The following ARHGAP35 variants were observed in gnomAD, a reference collection of about 807,000 sequenced individuals.
ARHGAP35 encodes the protein Rho GTPase activating protein 35.
In ARHGAP35, 15 loss-of-function variants were observed where a neutral mutation model predicts 111.1. The ratio of observed to expected loss-of-function variants is 0.13; its 90% CI spans 0.09 to 0.21. The LOEUF (loss-of-function observed/expected upper bound fraction) is 0.21, where lower values mean the gene tolerates loss of function less well. Among genes scored for constraint, ARHGAP35 ranks in the 10% least tolerant of loss-of-function variants. The pLI is 1.00. For synonymous variants in ARHGAP35, 643 were observed against 710.3 expected, an observed-to-expected ratio of 0.91 and a Z score of 1.51; for missense variants, 1,262 against 1,873.0, an observed-to-expected ratio of 0.67 and a Z score of 6.02.
At chr19:46,903,874 A>G (rs2056092850) in intron 1 of ARHGAP35, among the ~76,000 whole-genome samples, 1 of 151,782 alleles carries the variant, frequency 6.6e-6, no homozygotes. Flanking sequence ...CCCCAACAGG[A>G]TATGTTACTT....
chr19:46,926,174 T>G lies in ARHGAP35; in HGVS notation c.3681+3818T>G, dbSNP rs549008959. Among the ~76,000 whole-genome samples the G allele has an allele frequency of 6.6e-6, 1 of 152,336 alleles. No homozygotes were observed. Among genetic ancestry groups the G allele is most frequent in the Admixed American group, 6.5e-5 (1 of 15,298 alleles). ...AGTGCCCTTGGCTGATTTGCTAGAT[T>G]AGGTCTTTACTATAAAACTGGAGTC... On this transcript the variant is annotated intron_variant, in intron 2 of 6. Coordinates refer to ENST00000672722, the MANE Select transcript of ARHGAP35 (RefSeq NM_004491.5). This position sits in a 1 kb window ranked among gnomAD's most constrained non-coding sequence, Gnocchi z 4.1.
At chr19:46,974,537 A>G (rs2056569308) in intron 3 of ARHGAP35, among the ~76,000 whole-genome samples, 1 of 152,168 alleles carries the variant, frequency 6.6e-6, no homozygotes, top group African/African-American at 2.4e-5. Context: ...GATGTATGCA[A>G]GGGCGGCGAT....
intron 2 of ARHGAP35, among the ~76,000 whole-genome samples, chr19:46,930,785 T>C (rs1470551675): frequency 3.3e-5 from 5 of 152,028 alleles, no homozygotes; most frequent in African/African-American, 1.2e-4. Flanking sequence ...GCTCATGTGG[T>C]ACCTAGATGA....
chr19:46,876,537 T>G (rs2055922935), intron 1 of ARHGAP35, among the ~76,000 whole-genome samples: 1 of 151,484 alleles, frequency 6.6e-6, no homozygotes, highest in Non-Finnish European at 1.5e-5. Context: ...CACGCCCGGC[T>G]AATTTTTGTA....
intron 3 of ARHGAP35, among the ~76,000 whole-genome samples, chr19:46,940,500 C>CCT (rs2056340457): frequency 6.6e-6 from 1 of 152,100 alleles, no homozygotes; most frequent in African/African-American, 2.4e-5. Context: ...TGCACTCCAG[C>CCT]CTGGCGACAG....
rs370823382 is a variant in ARHGAP35 at position 46,891,557 on chromosome 19, G to A, written c.-188-26931G>A. ...TTCTCCTTCCTCAGCCTCCCAAGTA[G>A]CTGGGACTACAGGCTAGCACCACCA... On this transcript the variant is annotated intron_variant, in intron 1 of 6. Coordinates refer to ENST00000672722, the MANE Select transcript of ARHGAP35 (RefSeq NM_004491.5). 1.9e-4 allele frequency among the ~76,000 whole-genome samples: 29 copies of A among 151,948 alleles called. No homozygotes were observed. In the South Asian group the frequency reaches 5.8e-3, roughly 31 times the overall value.
intron 3 of ARHGAP35, among the ~76,000 whole-genome samples, chr19:46,984,417 T>G (rs1177468668): frequency 6.6e-6 from 1 of 152,234 alleles, no homozygotes; most frequent in Non-Finnish European, 1.5e-5. Context: ...CTTTTCCTGC[T>G]GTGGTCTCAG....
At position 47,001,232 on chromosome 19, in the gene ARHGAP35, G is replaced by T; in HGVS notation, c.*544G>T. On this transcript the variant is annotated 3_prime_UTR_variant, in exon 7 of 7. Coordinates refer to ENST00000672722, the MANE Select transcript of ARHGAP35 (RefSeq NM_004491.5). This position sits in a 1 kb window ranked among gnomAD's most constrained non-coding sequence, Gnocchi z 5.4. ...ACGGCTCTGCCACCACTAGGTACCT[G>T]CTGAGGGCGCTGGCTCTGCAGATCA... The T allele has an allele frequency of 6.2e-6, 8 of 1,283,022 alleles. No homozygotes were observed. Among genetic ancestry groups the T allele is most frequent in the Non-Finnish European group, 8.1e-6 (8 of 986,404 alleles). 79.5% of individuals were successfully genotyped at this position (1,283,022 alleles called of 1,614,324 possible).
At chr19:46,864,051 A>G (rs2055842911) in intron 1 of ARHGAP35, among the ~76,000 whole-genome samples, 1 of 152,188 alleles carries the variant, frequency 6.6e-6, no homozygotes, top group Non-Finnish European at 1.5e-5. Context: ...GATCCATGCT[A>G]GATTCTGGGG....
chr19:46,888,296 AT>A lies in ARHGAP35; in HGVS notation c.-189+27088del, dbSNP rs2056004670. ...TATATATATATATATATATATATAT[AT>A]ATATATATATATATATATATAAAAT... On this transcript the variant is annotated intron_variant, in intron 1 of 6. Coordinates refer to ENST00000672722, the MANE Select transcript of ARHGAP35 (RefSeq NM_004491.5). 1.1e-4 allele frequency among the ~76,000 whole-genome samples: 7 copies of A among 64,934 alleles called. 1 individual carries two copies. Among genetic ancestry groups the A allele is most frequent in the East Asian group, 4.0e-4 (1 of 2,530 alleles). 42.6% of individuals were successfully genotyped at this position (64,934 alleles called of 152,430 possible).
At chr19:46,880,986 T>A (rs2055959750) in intron 1 of ARHGAP35, among the ~76,000 whole-genome samples, 1 of 142,370 alleles carries the variant, frequency 7.0e-6, no homozygotes, top group Non-Finnish European at 1.5e-5. Context: ...TCTCTGTCAC[T>A]CAGGCTGGAG....
chr19:46,871,796 T>C (rs1043331715), intron 1 of ARHGAP35, among the ~76,000 whole-genome samples: 3 of 151,612 alleles, frequency 2.0e-5, no homozygotes, highest in African/African-American at 4.8e-5. Flanking sequence ...TTGGCCAACA[T>C]GGTGAAACCC....
At position 46,941,876 on chromosome 19, in the gene ARHGAP35, TA is replaced by T. The variant is rs71179279; in HGVS notation, c.3826+4492del. Among the ~76,000 whole-genome samples, 781 of 94,506 alleles carry T rather than the reference TA, an allele frequency of 8.3e-3. 4 individuals are homozygous for T. Among genetic ancestry groups the T allele is most frequent in the Middle Eastern group, 0.037 (6 of 162 alleles). The allele number at this position is 94,506 out of a possible 152,430, so 62.0% of individuals were successfully genotyped here. ...GACCCAGCCAGAGACCCTGTCTCTT[TA>T]AAAAAAAAAAAAAAAAAAAAAAAGA... On this transcript the variant is annotated intron_variant, in intron 3 of 6. Transcript: ENST00000672722.
At chr19:46,892,250 G>A (rs549875336) in intron 1 of ARHGAP35, among the ~76,000 whole-genome samples, 1 of 149,440 alleles carries the variant, frequency 6.7e-6, no homozygotes, top group African/African-American at 2.5e-5. Context: ...GTTGCAGTGA[G>A]CCGAGATCGC....
chr19:47,000,905 C>G lies in ARHGAP35; in HGVS notation c.*217C>G. ...GCTGCAGACCTGAGCTGGCTTGGAC[C>G]CATTTGAGGACTGAACTAGGCAGGC... On this transcript the variant is annotated 3_prime_UTR_variant, in exon 7 of 7. Coordinates refer to ENST00000672722, the MANE Select transcript of ARHGAP35 (RefSeq NM_004491.5). This position sits in a 1 kb window ranked among gnomAD's most constrained non-coding sequence, Gnocchi z 6.9. 1 of 1,532,500 alleles carries G rather than the reference C, an allele frequency of 6.5e-7. No individual in the cohort carries two copies. Among genetic ancestry groups the G allele is most frequent in the Non-Finnish European group, 8.7e-7 (1 of 1,145,216 alleles). 94.9% of individuals were successfully genotyped at this position (1,532,500 alleles called of 1,614,324 possible).
intron 5 of ARHGAP35, among the ~76,000 whole-genome samples, chr19:46,995,082 C>G (rs1310901031): frequency 2.6e-5 from 4 of 152,146 alleles, no homozygotes; most frequent in Non-Finnish European, 5.9e-5. Flanking sequence ...TGGTGCCTCC[C>G]CCAGTCCTGA....
chr19:46,980,791 C>T (rs1218574362), intron 3 of ARHGAP35, among the ~76,000 whole-genome samples: 2 of 152,172 alleles, frequency 1.3e-5, no homozygotes, highest in Non-Finnish European at 2.9e-5. Context: ...TCCCTGACAG[C>T]AGAACTCAGG....
intron 5 of ARHGAP35, among the ~76,000 whole-genome samples, chr19:46,996,646 C>T (rs1156891117): frequency 6.6e-6 from 1 of 152,166 alleles, no homozygotes; most frequent in Non-Finnish European, 1.5e-5. Context: ...GTGTTTGGGT[C>T]GTGCAGGCAC....
chr19:46,924,690 CA>C (rs2056228542), intron 2 of ARHGAP35, among the ~76,000 whole-genome samples: 1 of 152,190 alleles, frequency 6.6e-6, no homozygotes, highest in Non-Finnish European at 1.5e-5. Flanking sequence ...TACTGGAATC[CA>C]AACATTTTGA....
Sources: allele counts gnomAD v4.1 joint callset (sites outside exome capture counted in the v4.1 genomes callset), GRCh38; gene constraint gnomAD v4.1.1; non-coding constraint Gnocchi (gnomAD v3.1); transcripts MANE v1.5; gene names NCBI Gene and HGNC (gene_info 2026-07-23, HGNC 2026-07-21).